The following HPSE2 variants were observed in gnomAD, a reference collection of about 807,000 sequenced individuals.
HPSE2 encodes the protein inactive heparanase-2.
In HPSE2, 38 loss-of-function variants were observed where a neutral mutation model predicts 60.5. The ratio of observed to expected loss-of-function variants is 0.63; its 90% CI spans 0.48 to 0.82. HPSE2 has a LOEUF of 0.82. Among genes scored for constraint, HPSE2 ranks in the 40% least tolerant of loss-of-function variants. The probability of loss-of-function intolerance (pLI) is 0.00; values close to 1 mark genes in which losing one functional copy is unlikely to be tolerated. For missense variants in HPSE2, 713 were observed against 740.4 expected, an observed-to-expected ratio of 0.96 and a Z score of 0.43; for synonymous variants, 295 against 293.2, an observed-to-expected ratio of 1.01 and a Z score of -0.06.
At chr10:98,698,480 C>T (rs1003426481) in intron 5 of HPSE2, among the ~76,000 whole-genome samples, 64 of 152,084 alleles carry the variant, frequency 4.2e-4, no homozygotes, top group African/African-American at 1.5e-3. Context: ...CTCTGGGACA[C>T]ATTCAAAGCA....
chr10:98,861,168 T>C (rs1007620982), intron 3 of HPSE2, among the ~76,000 whole-genome samples: 1 of 152,180 alleles, frequency 6.6e-6, no homozygotes, highest in Non-Finnish European at 1.5e-5. Flanking sequence ...AACCAAGACA[T>C]TCTTTTCAAA....
chr10:98,842,203 G>C (rs1358522710), intron 3 of HPSE2, among the ~76,000 whole-genome samples: 1 of 152,190 alleles, frequency 6.6e-6, no homozygotes, highest in African/African-American at 2.4e-5. Context: ...TTGAGTATCT[G>C]TTATGAGCCA....
intron 3 of HPSE2, among the ~76,000 whole-genome samples, chr10:98,836,564 T>C (rs1199675788): frequency 6.6e-6 from 1 of 152,228 alleles, no homozygotes; most frequent in South Asian, 2.1e-4. Flanking sequence ...AGTTATGGAA[T>C]CTGTCTTAGC....
intron 3 of HPSE2, among the ~76,000 whole-genome samples, chr10:98,877,049 G>A (rs1453022175): frequency 1.3e-5 from 2 of 151,718 alleles, no homozygotes; most frequent in East Asian, 1.9e-4. Context: ...AAAAATCCAT[G>A]TTCAAAAACA....
intron 6 of HPSE2, among the ~76,000 whole-genome samples, chr10:98,663,139 A>T (rs1947268967): frequency 6.6e-6 from 1 of 152,108 alleles, no homozygotes. Context: ...GCATAACGAA[A>T]ATCAGTTTGA....
At chr10:98,649,998 T>G (rs1946874856) in intron 6 of HPSE2, among the ~76,000 whole-genome samples, 1 of 152,232 alleles carries the variant, frequency 6.6e-6, no homozygotes, top group African/African-American at 2.4e-5. Context: ...CCTTCCATAG[T>G]GCTGAGCTGT....
chr10:98,501,225 G>A (rs1347837203), intron 9 of HPSE2, among the ~76,000 whole-genome samples: 2 of 151,878 alleles, frequency 1.3e-5, no homozygotes, highest in Non-Finnish European at 2.9e-5. Context: ...ACCAAAACCA[G>A]GAAAGAACAT....
intron 3 of HPSE2, among the ~76,000 whole-genome samples, chr10:99,058,035 T>C (rs570384441): frequency 2.0e-5 from 3 of 152,294 alleles, no homozygotes; most frequent in African/African-American, 7.2e-5. Context: ...AGGGGAATGA[T>C]AAAAACTGTA....
At chr10:99,164,878 G>GC in intron 2 of HPSE2, among the ~76,000 whole-genome samples, 1 of 152,016 alleles carries the variant, frequency 6.6e-6, no homozygotes, top group African/African-American at 2.4e-5. Context: ...GAGGTCAGGA[G>GC]ATTGAGACCA....
chr10:99,061,980 CAG>C (rs1430322403), intron 3 of HPSE2, among the ~76,000 whole-genome samples: 1 of 152,112 alleles, frequency 6.6e-6, no homozygotes, highest in African/African-American at 2.4e-5. Flanking sequence ...GTGAGGAGAG[CAG>C]AGAGGGCATA....
At chr10:98,674,305 C>T (rs182412958) in intron 6 of HPSE2, among the ~76,000 whole-genome samples, 79 of 152,284 alleles carry the variant, frequency 5.2e-4, no homozygotes, top group Non-Finnish European at 9.6e-4. Context: ...TACATAAAAT[C>T]TCCCCACTCT....
chr10:98,558,684 G>A (rs1012492050), intron 9 of HPSE2, among the ~76,000 whole-genome samples: 6 of 152,204 alleles, frequency 3.9e-5, no homozygotes, highest in African/African-American at 9.6e-5. Flanking sequence ...AACTGAATAC[G>A]TGGGCATTTT....
chr10:99,161,804 G>T (rs570417288), intron 2 of HPSE2, among the ~76,000 whole-genome samples: 81 of 152,136 alleles, frequency 5.3e-4, no homozygotes, highest in African/African-American at 1.1e-3. Context: ...ATAGACAAAG[G>T]GATAAACAAA....
At chr10:98,535,327 T>TG (rs1318998364) in intron 9 of HPSE2, among the ~76,000 whole-genome samples, 8 of 152,086 alleles carry the variant, frequency 5.3e-5, no homozygotes, top group African/African-American at 1.9e-4. Flanking sequence ...TTTGTTTGTT[T>TG]TTTTTTTAAT....
intron 11 of HPSE2, chr10:98,461,828 T>G (rs1940303282): frequency 6.3e-7 from 1 of 1,589,414 alleles, no homozygotes; most frequent in African/African-American, 1.3e-5. Flanking sequence ...TTCTGGGGAG[T>G]GCAAAACAAC....
intron 2 of HPSE2, among the ~76,000 whole-genome samples, chr10:99,221,741 G>A (rs144809139): frequency 6.6e-6 from 1 of 152,242 alleles, no homozygotes; most frequent in East Asian, 1.9e-4. Context: ...GAGGGTAGAA[G>A]TAGAGTAACA....
At chr10:98,739,804 C>T (rs1949451332) in intron 4 of HPSE2, among the ~76,000 whole-genome samples, 1 of 152,090 alleles carries the variant, frequency 6.6e-6, no homozygotes, top group African/African-American at 2.4e-5. Context: ...TTGGGAAGCA[C>T]ATTTATAGTT....
chr10:99,140,266 T>G (rs1845819642), intron 3 of HPSE2, among the ~76,000 whole-genome samples: 2 of 152,148 alleles, frequency 1.3e-5, no homozygotes, highest in African/African-American at 4.8e-5. Context: ...CTCAGTCCAG[T>G]TTGGAGTCTA....
At chr10:98,775,051 T>C (rs1950311028) in intron 3 of HPSE2, among the ~76,000 whole-genome samples, 1 of 152,224 alleles carries the variant, frequency 6.6e-6, no homozygotes, top group African/African-American at 2.4e-5. Flanking sequence ...AACTGAGTCC[T>C]GGCTCTTTTC....
Sources: allele counts gnomAD v4.1 joint callset (sites outside exome capture counted in the v4.1 genomes callset), GRCh38; gene constraint gnomAD v4.1.1; transcripts MANE v1.5; gene names NCBI Gene and HGNC (gene_info 2026-07-23, HGNC 2026-07-21).